AKR7A2: variants seen among roughly 807,000 people sequenced by gnomAD.
AKR7A2 encodes aldo-keto reductase family 7 member A2.
A neutral mutation model predicts 37.3 loss-of-function variants in AKR7A2; 29 were observed. The observed-to-expected ratio is 0.78, with a 90% CI of 0.58 to 1.06. The LOEUF is 1.06. Ranked by LOEUF, AKR7A2 falls within the 50% of genes least tolerant of loss-of-function variation. The pLI is 0.00. For synonymous variants in AKR7A2, 228 were observed against 217.8 expected (o/e 1.05, Z -0.41); for missense variants, 529 against 497.9 (o/e 1.06, Z -0.59).
chr1:19,311,157 T>TA (rs2093773855), intron 1 of AKR7A2, among the ~76,000 whole-genome samples: 1 of 152,236 alleles, frequency 6.6e-6, no homozygotes, highest in Non-Finnish European at 1.5e-5. Context: ...TGCAGCTCCC[T>TA]AAAGTACTCT....
At position 19,312,109 on chromosome 1, in the gene AKR7A2, A is replaced by G; in HGVS notation, c.16T>C (p.Ser6Pro). The change falls in exon 1 of 7, where the codon TCT becomes CCT. Residue 6 changes from serine (S) to proline (P), a missense_variant. By Grantham distance (74) the Ser-to-Pro change is moderately conservative. Coordinates refer to ENST00000235835, the MANE Select transcript of AKR7A2 (RefSeq NM_003689.4). Reference sequence around the variant, plus strand: ...ACGGCGGCGCGGGAGACTACGCGAGACGCGGCACTCAGCATAGCAGCGGCG... The same window carrying G: ...ACGGCGGCGCGGGAGACTACGCGAGGCGCGGCACTCAGCATAGCAGCGGCG... MLSAASRVVSRAAVHC... is the reference protein window; with the variant it reads MLSAAPRVVSRAAVHC... The G allele has an allele frequency of 1.5e-6, 2 of 1,325,812 alleles. No homozygotes were observed. The highest frequency in any genetic ancestry group is 1.9e-6 in the Non-Finnish European group (2 of 1,047,368). 82.1% of individuals were successfully genotyped at this position (1,325,812 alleles called of 1,614,324 possible). A position where few individuals can be genotyped will look rare whatever the true frequency, so the allele number is the denominator to read the frequency against.
At chr1:19,308,781 T>A (rs569455915) in intron 1 of AKR7A2, 139 bp from the exon 2 acceptor site, 5 of 857,232 alleles carry the variant, frequency 5.8e-6, no homozygotes, top group Non-Finnish European at 9.6e-6. Flanking sequence ...ACTGTCCTCA[T>A]TGGGAGGTCC....
Position 19,308,289 on chromosome 1 carries a change from C to T in AKR7A2, c.487-27G>A, listed in dbSNP as rs859209. The T allele has an allele frequency of 3.8e-4, 618 of 1,614,022 alleles. No homozygotes were observed. The African/African-American group carries it at 7.2e-3, about 19-fold the overall frequency. On this transcript the variant is annotated intron_variant, in intron 2 of 6. Coordinates refer to ENST00000235835, the MANE Select transcript of AKR7A2 (RefSeq NM_003689.4). ...TGCATGGGTGAGGCTCCAGTCAGAACGCAGTGTAGCCCAGACCAGGAAGGG... is the reference window on the plus strand; with the variant it reads ...TGCATGGGTGAGGCTCCAGTCAGAATGCAGTGTAGCCCAGACCAGGAAGGG...
intron 5 of AKR7A2, among the ~76,000 whole-genome samples, chr1:19,306,450 T>C (rs1176864687): frequency 6.6e-6 from 1 of 152,114 alleles, no homozygotes; most frequent in African/African-American, 2.4e-5. Context: ...TTTTTGCTTT[T>C]TGATACATGG....
intron 2 of AKR7A2, 93 bp from the exon 3 acceptor site, chr1:19,308,355 C>A: frequency 2.5e-6 from 4 of 1,593,996 alleles, no homozygotes; most frequent in Non-Finnish European, 2.6e-6. Context: ...CTATTCCCTG[C>A]CCCACCCTGG....
chr1:19,307,810 A>T lies in AKR7A2; in HGVS notation c.591+348T>A, dbSNP rs1373486091. On this transcript the variant is annotated intron_variant, in intron 3 of 6. Transcript: ENST00000235835. Reference sequence around the variant, plus strand: ...TGAAGATGAGATTTGGAGACTGGAGACTCCTATGGGGCTGTCTAGAAAGGC... The same window carrying T: ...TGAAGATGAGATTTGGAGACTGGAGTCTCCTATGGGGCTGTCTAGAAAGGC... The T allele has an allele frequency of 1.2e-5, 6 of 497,596 alleles. No homozygotes were observed. The East Asian group carries it at 2.3e-4, about 19-fold the overall frequency. 30.8% of individuals were successfully genotyped at this position (497,596 alleles called of 1,614,324 possible). A position where few individuals can be genotyped will look rare whatever the true frequency, so the allele number is the denominator to read the frequency against.
chr1:19,311,763 G>A (rs2231195), intron 1 of AKR7A2, 64 bp downstream of exon 1: 73,951 of 1,598,618 alleles, frequency 0.046, 2,023 homozygotes, highest in Non-Finnish European at 0.057. Context: ...GAGCGGGGTG[G>A]TGCACGGCTG....
Position 19,304,051 on chromosome 1 carries a change from C to T in AKR7A2, c.*174G>A. Reference sequence around the variant, plus strand: ...GAAGCGCTCAAGTGGGACTCACCCCCCACCTTTCACAGTGTAAAGTGAATA... The same window carrying T: ...GAAGCGCTCAAGTGGGACTCACCCCTCACCTTTCACAGTGTAAAGTGAATA... On this transcript the variant is annotated 3_prime_UTR_variant, in exon 7 of 7. Coordinates refer to ENST00000235835, the MANE Select transcript of AKR7A2 (RefSeq NM_003689.4). 1 of 1,097,842 alleles carries T rather than the reference C, an allele frequency of 9.1e-7. No homozygotes were observed. The highest frequency in any genetic ancestry group is 1.3e-6 in the Non-Finnish European group (1 of 743,384). 68.0% of individuals were successfully genotyped at this position (1,097,842 alleles called of 1,614,324 possible).
At chr1:19,305,314 A>C (rs2093759709) in intron 6 of AKR7A2, 1 of 154,054 alleles carries the variant, frequency 6.5e-6, no homozygotes, top group Non-Finnish European at 1.4e-5. Context: ...GCTGGAGATA[A>C]GTTTGTTGCT....
In AKR7A2 at chr1:19,304,373, T is replaced by C. The variant is rs770694971; in HGVS notation, c.932A>G (p.Asp311Gly). The C allele has an allele frequency of 1.2e-6, 2 of 1,614,008 alleles. No individual in the cohort carries two copies. Among genetic ancestry groups the C allele is most frequent in the Non-Finnish European group, 1.7e-6 (2 of 1,179,950 alleles). Residue 311 changes from aspartate (D) to glycine (G), a missense_variant, in exon 7 of 7, where the codon GAC becomes GGC. By Grantham distance (94) the Asp-to-Gly change is moderately conservative (BLOSUM62 -1). Coordinates refer to ENST00000235835, the MANE Select transcript of AKR7A2 (RefSeq NM_003689.4). ...GCTGGACATGCCCAGGATGACCGCGTCCCCGTGGGCACCCTGCAAGGGAGA... is the reference window on the plus strand; with the variant it reads ...GCTGGACATGCCCAGGATGACCGCGCCCCCGTGGGCACCCTGCAAGGGAGA... The part of the protein sequence containing the change: ...HHSQLQGAHG[D>G]AVILGMSSLE...
At chr1:19,306,966 C>T in intron 5 of AKR7A2, 36 bp downstream of exon 5, 3 of 1,587,626 alleles carry the variant, frequency 1.9e-6, no homozygotes, top group Non-Finnish European at 2.6e-6. Flanking sequence ...TTTGACCCCA[C>T]CCCAGCCATC....
chr1:19,311,926 C>G lies in AKR7A2; in HGVS notation c.199G>C (p.Gly67Arg), dbSNP rs554728072. Residue 67 changes from glycine (G) to arginine (R), a missense_variant, in exon 1 of 7, where the codon GGC becomes CGC. Gly to Arg is a moderately radical substitution (Grantham distance 125). Coordinates refer to ENST00000235835, the MANE Select transcript of AKR7A2 (RefSeq NM_003689.4). ...AAGGCCGTGTCCAGTTCGGTGTGGC[C>G]GCGCTCCAGAAAGGCGCGCACGGCC... ...AAAVRAFLER[G>R]HTELDTAFMY... 6.2e-7 allele frequency: 1 copy of G among 1,608,094 alleles called. No homozygotes were observed. The highest frequency in any genetic ancestry group is 2.2e-5 in the East Asian group (1 of 44,730).
intron 6 of AKR7A2, 55 bp downstream of exon 6, chr1:19,305,963 G>T (rs373533119): frequency 6.2e-7 from 1 of 1,612,522 alleles, no homozygotes. Context: ...TCACCTAAAG[G>T]TGACGCTGGT....
At position 19,307,698 on chromosome 1, in the gene AKR7A2, T is replaced by A. The variant is rs1020939447; in HGVS notation, c.592-288A>T. 45 of 543,946 alleles carry A rather than the reference T, an allele frequency of 8.3e-5. No individual in the cohort carries two copies. In the East Asian group the frequency reaches 1.4e-3, roughly 17 times the overall value. The allele number at this position is 543,946 out of a possible 1,614,324, so 33.7% of individuals were successfully genotyped here. On this transcript the variant is annotated intron_variant, in intron 3 of 6. Transcript: ENST00000235835. ...CTTCCAGGAGATGTTTACTCAAGTT[T>A]AAAAAAATAGACAAGGAAGGCAGTT...
intron 1 of AKR7A2, among the ~76,000 whole-genome samples, chr1:19,310,874 C>A (rs1034458085): frequency 6.6e-6 from 1 of 152,078 alleles, no homozygotes; most frequent in Non-Finnish European, 1.5e-5. Context: ...GGTAACAGCC[C>A]ACGTTCCCTG....
chr1:19,310,645 C>A (rs999968010), intron 1 of AKR7A2, among the ~76,000 whole-genome samples: 1 of 152,160 alleles, frequency 6.6e-6, no homozygotes, highest in Non-Finnish European at 1.5e-5. Context: ...GCACTCCACC[C>A]TGGGTGACAG....
intron 3 of AKR7A2, chr1:19,307,913 G>T: frequency 1.7e-6 from 1 of 604,170 alleles, no homozygotes; most frequent in Non-Finnish European, 3.0e-6. Context: ...GTTCCAGGCT[G>T]AAGTATGAAA....
At chr1:19,307,256 G>A (rs140964634) in intron 4 of AKR7A2, 58 bp downstream of exon 4, 2 of 1,609,706 alleles carry the variant, frequency 1.2e-6, no homozygotes, top group African/African-American at 1.3e-5. Context: ...ATAAATTCTG[G>A]GCTGGGCATC....
At chr1:19,310,266 C>T (rs1324527743) in intron 1 of AKR7A2, among the ~76,000 whole-genome samples, 2 of 152,110 alleles carry the variant, frequency 1.3e-5, no homozygotes, top group East Asian at 1.9e-4. Flanking sequence ...CCCACAACGC[C>T]CCAGGCATTC....
Sources: gnomAD v4.1 joint callset for allele counts (sites outside exome capture counted in the v4.1 genomes callset) on GRCh38, gnomAD v4.1.1 for gene constraint, MANE v1.5 for transcripts, NCBI Gene and HGNC (gene_info 2026-07-23, HGNC 2026-07-21) for gene names.